The following ASTN2 variants were observed in gnomAD, a reference collection of about 807,000 sequenced individuals.
ASTN2 encodes the protein astrotactin-2.
Under a neutral mutation model 139.8 loss-of-function variants are expected in ASTN2, and 54 were observed. That is an observed-to-expected ratio of 0.39 (90% CI 0.31 to 0.48). The LOEUF (loss-of-function observed/expected upper bound fraction) is 0.48, where lower values mean the gene tolerates loss of function less well. Among genes scored for constraint, ASTN2 ranks in the 20% least tolerant of loss-of-function variants. The pLI, the probability that ASTN2 is intolerant of heterozygous loss-of-function variation, is 0.95. For synonymous variants in ASTN2, 756 were observed against 719.5 expected (o/e 1.05, Z -0.81); for missense variants, 1,565 against 1,725.1 (o/e 0.91, Z 1.64).
intron 3 of ASTN2, among the ~76,000 whole-genome samples, chr9:117,198,308 C>T (rs560053546): frequency 6.6e-6 from 1 of 152,276 alleles, no homozygotes; most frequent in East Asian, 1.9e-4. Flanking sequence ...TGTAAGTGTG[C>T]TGAGGGTGAT....
chr9:117,291,032 A>G (rs939766225), intron 2 of ASTN2, among the ~76,000 whole-genome samples: 1 of 152,242 alleles, frequency 6.6e-6, no homozygotes, highest in African/African-American at 2.4e-5. Context: ...GGCCAAGCAC[A>G]TGACAGATGT....
chr9:116,916,794 T>C (rs1205455071), intron 10 of ASTN2, among the ~76,000 whole-genome samples: 1 of 152,162 alleles, frequency 6.6e-6, no homozygotes, highest in African/African-American at 2.4e-5. Flanking sequence ...ATTGTGCCAC[T>C]GAACTCCAGC....
intron 3 of ASTN2, among the ~76,000 whole-genome samples, chr9:117,178,873 A>G (rs1029201705): frequency 5.3e-5 from 8 of 152,330 alleles, no homozygotes; most frequent in African/African-American, 1.9e-4. Context: ...TCCTGGGCCC[A>G]CCACCACAGA....
At chr9:116,952,151 G>A (rs11789879) in intron 10 of ASTN2, among the ~76,000 whole-genome samples, 3,802 of 152,284 alleles carry the variant, frequency 0.025, 67 homozygotes, top group Non-Finnish European at 0.03. Context: ...ATGCTAGTGA[G>A]CACTTGACAT....
intron 17 of ASTN2, among the ~76,000 whole-genome samples, chr9:116,638,873 T>C (rs1857197084): frequency 6.6e-6 from 1 of 152,204 alleles, no homozygotes. Flanking sequence ...ATAGAGAAAT[T>C]ATCGTTCATT....
chr9:117,232,383 G>A (rs898655791), intron 2 of ASTN2, among the ~76,000 whole-genome samples: 1 of 152,114 alleles, frequency 6.6e-6, no homozygotes, highest in Non-Finnish European at 1.5e-5. Flanking sequence ...ATGAGGCTGT[G>A]AGCTTGCATA....
At chr9:117,394,203 G>A (rs575501545) in intron 1 of ASTN2, among the ~76,000 whole-genome samples, 60 of 152,228 alleles carry the variant, frequency 3.9e-4, no homozygotes, top group African/African-American at 1.4e-3. Flanking sequence ...GACAGAAAAG[G>A]CAAGAGTCCT....
intron 10 of ASTN2, among the ~76,000 whole-genome samples, chr9:116,906,456 C>A (rs901210775): frequency 6.6e-6 from 1 of 152,148 alleles, no homozygotes; most frequent in East Asian, 1.9e-4. Flanking sequence ...TTCCAGCCCC[C>A]CCAGACACTT....
At chr9:117,230,252 G>A (rs1158932933) in intron 2 of ASTN2, among the ~76,000 whole-genome samples, 1 of 151,144 alleles carries the variant, frequency 6.6e-6, no homozygotes, top group East Asian at 1.9e-4. Flanking sequence ...TAGTTCAGGA[G>A]GCCAGAAGTC....
At chr9:117,098,862 C>T (rs562209756) in intron 4 of ASTN2, among the ~76,000 whole-genome samples, 64 of 151,708 alleles carry the variant, frequency 4.2e-4, no homozygotes, top group Non-Finnish European at 8.5e-4. Context: ...AATCCCAGCA[C>T]TTTGGGAGGC....
intron 13 of ASTN2, among the ~76,000 whole-genome samples, chr9:116,765,427 G>C (rs992059820): frequency 5.9e-5 from 9 of 152,174 alleles, no homozygotes; most frequent in Admixed American, 5.9e-4. Context: ...GTGTAAACTA[G>C]TTTGACCTTT....
At chr9:116,905,342 C>T (rs1436836398) in intron 10 of ASTN2, among the ~76,000 whole-genome samples, 1 of 152,150 alleles carries the variant, frequency 6.6e-6, no homozygotes, top group Admixed American at 6.6e-5. Context: ...CCAAGACATG[C>T]ACAGGATATA....
At chr9:117,199,245 T>G (rs1051961338) in intron 3 of ASTN2, among the ~76,000 whole-genome samples, 1 of 152,208 alleles carries the variant, frequency 6.6e-6, no homozygotes, top group Non-Finnish European at 1.5e-5. Flanking sequence ...GGTTTTCTTC[T>G]AGAGTTTTTA....
At chr9:117,398,445 G>T (rs1564184567) in intron 1 of ASTN2, among the ~76,000 whole-genome samples, 1 of 152,160 alleles carries the variant, frequency 6.6e-6, no homozygotes, top group Admixed American at 6.5e-5. Flanking sequence ...GCTAAGAGTG[G>T]AGCACCTCTG....
At chr9:116,597,541 C>T (rs1237316021) in intron 19 of ASTN2, among the ~76,000 whole-genome samples, 6 of 151,896 alleles carry the variant, frequency 4.0e-5, no homozygotes, top group East Asian at 1.9e-4. Context: ...TAGCCCACCT[C>T]GGCCTCCCAA....
chr9:117,221,621 T>C (rs1832520470), intron 2 of ASTN2, among the ~76,000 whole-genome samples: 1 of 134,368 alleles, frequency 7.4e-6, no homozygotes, highest in Non-Finnish European at 1.7e-5. Flanking sequence ...TCTCAAGTAA[T>C]GTCCTTCTCT....
intron 19 of ASTN2, among the ~76,000 whole-genome samples, chr9:116,536,535 G>C (rs1851636168): frequency 6.6e-6 from 1 of 152,158 alleles, no homozygotes; most frequent in Non-Finnish European, 1.5e-5. Context: ...TGGGGTTTTG[G>C]TGTGGATGTC....
intron 19 of ASTN2, among the ~76,000 whole-genome samples, chr9:116,559,760 C>T (rs1852813228): frequency 6.6e-6 from 1 of 152,186 alleles, no homozygotes; most frequent in South Asian, 2.1e-4. Flanking sequence ...CAAAGTTACA[C>T]AGCTAATAAG....
intron 3 of ASTN2, among the ~76,000 whole-genome samples, chr9:117,148,320 G>A (rs1434918366): frequency 1.3e-5 from 2 of 152,306 alleles, no homozygotes; most frequent in East Asian, 1.9e-4. Context: ...TACAAAAAAT[G>A]TCTAACAGAG....
Sources: gnomAD v4.1 joint callset for allele counts (sites outside exome capture counted in the v4.1 genomes callset) on GRCh38, gnomAD v4.1.1 for gene constraint, MANE v1.5 for transcripts, NCBI Gene and HGNC (gene_info 2026-07-23, HGNC 2026-07-21) for gene names.